The following PDS5B variants were observed in gnomAD, a reference collection of about 807,000 sequenced individuals.
The protein encoded by PDS5B is PDS5 cohesin associated factor B.
In PDS5B, 51 loss-of-function variants were observed where a neutral mutation model predicts 184.1. That is an observed-to-expected ratio of 0.28 (90% confidence interval 0.22 to 0.35). The LOEUF is 0.35. Among genes scored for constraint, PDS5B ranks in the 10% least tolerant of loss-of-function variants. The probability of loss-of-function intolerance (pLI) is 1.00; values close to 1 mark genes in which losing one functional copy is unlikely to be tolerated. For missense variants in PDS5B, 1,180 were observed against 1,723.3 expected (o/e 0.68, Z 5.58); for synonymous variants, 566 against 569.2 (o/e 0.99, Z 0.08).
intron 6 of PDS5B, among the ~76,000 whole-genome samples, chr13:32,664,809 C>A (rs908432738): frequency 1.6e-4 from 25 of 151,774 alleles, no homozygotes; most frequent in South Asian, 1.2e-3. Context: ...TGTGATCACA[C>A]CACGGCACTC....
chr13:32,760,607 C>T lies in PDS5B; in HGVS notation c.3405C>T (p.Asn1135=), dbSNP rs750089431. 14 of 1,613,596 alleles carry T rather than the reference C, an allele frequency of 8.7e-6. No individual in the cohort carries two copies. The South Asian group carries it at 1.4e-4, about 16-fold the overall frequency. Residue 1135 remains asparagine, a synonymous_variant, in exon 30 of 35, where the codon AAC becomes AAT. Coordinates refer to ENST00000315596, the MANE Select transcript of PDS5B (RefSeq NM_015032.4). The part of the protein sequence containing the change: ...PKTTNVLGAV[N]KPLSSAGKQS... ...CAACCAATGTTCTAGGAGCTGTTAA[C>T]AAGCCACTTTCATCAGCAGGCAAGC...
intron 1 of PDS5B, among the ~76,000 whole-genome samples, chr13:32,587,306 C>G (rs1021623731): frequency 5.9e-5 from 9 of 152,074 alleles, no homozygotes; most frequent in African/African-American, 2.4e-5. Flanking sequence ...GAGTGGTCCC[C>G]GAGCAGCCAG....
chr13:32,642,492 A>G (rs771057983), intron 1 of PDS5B, among the ~76,000 whole-genome samples: 1 of 152,162 alleles, frequency 6.6e-6, no homozygotes, highest in Non-Finnish European at 1.5e-5. Context: ...AGAAAAAGTT[A>G]AAATGAGACT....
rs181689261 is a variant in PDS5B, at chr13:32,776,777, A to G, written c.*1725A>G. On this transcript the variant is annotated 3_prime_UTR_variant, in exon 35 of 35. Coordinates refer to ENST00000315596, the MANE Select transcript of PDS5B (RefSeq NM_015032.4). ...TTACTATTTGCCAATGTATATTGCA[A>G]TTGATGTGATTATTTTTCTTTTAAA... 6 of 152,632 alleles carry G rather than the reference A, an allele frequency of 3.9e-5. No homozygotes were observed. The highest frequency in any genetic ancestry group is 3.3e-4 in the Admixed American group (5 of 15,286). The allele number at this position is 152,632 out of a possible 1,614,324, so 9.5% of individuals were successfully genotyped here.
chr13:32,750,217 G>T (rs1160889656), intron 24 of PDS5B, among the ~76,000 whole-genome samples: 10 of 152,142 alleles, frequency 6.6e-5, no homozygotes, highest in Admixed American at 6.5e-4. Context: ...CTTGTGTGAT[G>T]CTTCAAGGAT....
intron 24 of PDS5B, among the ~76,000 whole-genome samples, chr13:32,752,507 G>A (rs1274376285): frequency 6.6e-6 from 1 of 152,170 alleles, no homozygotes; most frequent in Non-Finnish European, 1.5e-5. Flanking sequence ...CAAGGAACAA[G>A]TACTGGTGGG....
At chr13:32,592,130 C>T (rs1368497816) in intron 1 of PDS5B, among the ~76,000 whole-genome samples, 2 of 152,196 alleles carry the variant, frequency 1.3e-5, no homozygotes, top group African/African-American at 2.4e-5. Context: ...CTTCTCCCTC[C>T]CACCTTCAAC....
At chr13:32,755,211 C>T (rs1028961255) in intron 25 of PDS5B, among the ~76,000 whole-genome samples, 5 of 152,006 alleles carry the variant, frequency 3.3e-5, no homozygotes, top group Non-Finnish European at 5.9e-5. Flanking sequence ...TATGTGTACC[C>T]CTTATTAAAC....
At chr13:32,662,774 A>G (rs1190023921) in intron 6 of PDS5B, among the ~76,000 whole-genome samples, 2 of 152,188 alleles carry the variant, frequency 1.3e-5, no homozygotes, top group East Asian at 1.9e-4. Flanking sequence ...AATTAGTGAA[A>G]TAGAAAACAC....
chr13:32,729,397 CA>C (rs1372500851), intron 19 of PDS5B, among the ~76,000 whole-genome samples: 1 of 152,154 alleles, frequency 6.6e-6, no homozygotes, highest in Non-Finnish European at 1.5e-5. Context: ...AATAGTGCTG[CA>C]GTAAACATAT....
Position 32,775,736 on chromosome 13 carries a change from C to A in PDS5B, c.*684C>A. On this transcript the variant is annotated 3_prime_UTR_variant, in exon 35 of 35. Transcript: ENST00000315596. ...CTTTACACCTCAGTATTGATTTGTC[C>A]CAGAATTTTCTGGCCTTTCATGGCA... 2 of 422,856 alleles carry A rather than the reference C, an allele frequency of 4.7e-6. No homozygotes were observed. Among genetic ancestry groups the A allele is most frequent in the South Asian group, 1.7e-5 (1 of 57,274 alleles). The allele number at this position is 422,856 out of a possible 1,614,324, so 26.2% of individuals were successfully genotyped here. A position where few individuals can be genotyped will look rare whatever the true frequency, so the allele number is the denominator to read the frequency against.
chr13:32,666,238 G>T (rs942359477), intron 6 of PDS5B, among the ~76,000 whole-genome samples: 6 of 151,900 alleles, frequency 3.9e-5, no homozygotes, highest in African/African-American at 1.5e-4. Context: ...CCGCCACCAC[G>T]CCCGGCTGAT....
intron 13 of PDS5B, among the ~76,000 whole-genome samples, chr13:32,693,349 T>C (rs909402382): frequency 2.0e-5 from 3 of 151,954 alleles, no homozygotes; most frequent in Admixed American, 2.0e-4. Flanking sequence ...AATTCAGGTG[T>C]CCCAAATTTG....
intron 18 of PDS5B, among the ~76,000 whole-genome samples, chr13:32,707,439 A>AAAAC (rs1359364365): frequency 6.6e-6 from 1 of 152,040 alleles, no homozygotes; most frequent in African/African-American, 2.4e-5. Flanking sequence ...AAAATTATAA[A>AAAAC]AAACATAGGT....
chr13:32,741,949 G>T (rs980813746), intron 22 of PDS5B, among the ~76,000 whole-genome samples: 1 of 151,982 alleles, frequency 6.6e-6, no homozygotes, highest in Non-Finnish European at 1.5e-5. Context: ...TGGACTAGAA[G>T]GTAGGCCACT....
chr13:32,604,369 G>A (rs2058027617), intron 1 of PDS5B, among the ~76,000 whole-genome samples: 1 of 152,148 alleles, frequency 6.6e-6, no homozygotes, highest in South Asian at 2.1e-4. Flanking sequence ...TTGTATGCTG[G>A]ATTACGTTTA....
intron 1 of PDS5B, among the ~76,000 whole-genome samples, chr13:32,635,717 C>G (rs1257670075): frequency 6.7e-6 from 1 of 150,156 alleles, no homozygotes; most frequent in African/African-American, 2.5e-5. Flanking sequence ...TCTGGTTGGG[C>G]TAACGTTTTT....
intron 1 of PDS5B, among the ~76,000 whole-genome samples, chr13:32,605,527 G>A (rs1014874258): frequency 5.3e-5 from 8 of 152,204 alleles, no homozygotes; most frequent in African/African-American, 1.7e-4. Context: ...GCGATGTGGT[G>A]CTGAGAAGAA....
chr13:32,594,870 C>T (rs1424931451), intron 1 of PDS5B, among the ~76,000 whole-genome samples: 2 of 152,120 alleles, frequency 1.3e-5, no homozygotes, highest in East Asian at 1.9e-4. Context: ...TGGTCTTACG[C>T]TGTCGTTTTG....
Sources: gnomAD v4.1 joint callset for allele counts (sites outside exome capture counted in the v4.1 genomes callset) on GRCh38, gnomAD v4.1.1 for gene constraint, MANE v1.5 for transcripts, NCBI Gene and HGNC (gene_info 2026-07-23, HGNC 2026-07-21) for gene names.